AUH: variants seen among roughly 807,000 people sequenced by gnomAD.
The protein encoded by AUH is methylglutaconyl-CoA hydratase, mitochondrial.
Under a neutral mutation model 42.3 loss-of-function variants are expected in AUH, and 29 were observed. The observed-to-expected ratio is 0.69, with a 90% CI of 0.51 to 0.93. AUH has a LOEUF of 0.93. Among genes scored for constraint, AUH ranks in the 40% least tolerant of loss-of-function variants. The probability of loss-of-function intolerance (pLI) is 0.00; values close to 1 mark genes in which losing one functional copy is unlikely to be tolerated. For missense variants in AUH, 452 were observed against 438.1 expected (o/e 1.03, Z -0.28); for synonymous variants, 174 against 166.4 (o/e 1.05, Z -0.35).
intron 6 of AUH, among the ~76,000 whole-genome samples, chr9:91,228,284 G>A (rs1038532265): frequency 5.9e-5 from 9 of 152,252 alleles, no homozygotes; most frequent in African/African-American, 2.2e-4. Flanking sequence ...AGTCTTGGAA[G>A]AGTGTATGTG....
chr9:91,332,679 G>A (rs1271945264), intron 3 of AUH, among the ~76,000 whole-genome samples: 3 of 152,172 alleles, frequency 2.0e-5, no homozygotes, highest in Non-Finnish European at 2.9e-5. Context: ...CACTTCAAGG[G>A]AAAGGCAAAG....
chr9:91,351,453 G>GC (rs1217311358), intron 3 of AUH, among the ~76,000 whole-genome samples: 1 of 152,100 alleles, frequency 6.6e-6, no homozygotes, highest in Non-Finnish European at 1.5e-5. Context: ...TCTAATGAGC[G>GC]CATCGGTATA....
chr9:91,347,212 T>TTTTTTTTG (rs928953764), intron 3 of AUH, among the ~76,000 whole-genome samples: 5 of 150,062 alleles, frequency 3.3e-5, no homozygotes, highest in African/African-American at 7.4e-5. Flanking sequence ...TAAGAGGGTT[T>TTTTTTTTG]TTTGTTTGTT....
intron 7 of AUH, chr9:91,219,040 C>T: frequency 1.0e-6 from 1 of 985,406 alleles, no homozygotes; most frequent in Non-Finnish European, 1.2e-6. Context: ...TGCACAGGGA[C>T]TGTGATGACG....
At chr9:91,319,859 G>C (rs554594873) in intron 4 of AUH, among the ~76,000 whole-genome samples, 36 of 152,292 alleles carry the variant, frequency 2.4e-4, no homozygotes, top group South Asian at 1.4e-3. Context: ...CGGTGCGCCT[G>C]ATCTCTCAAG....
intron 6 of AUH, chr9:91,294,876 A>C: frequency 2.4e-6 from 1 of 420,240 alleles, no homozygotes; most frequent in Non-Finnish European, 4.8e-6. Flanking sequence ...CTGAAGTCTC[A>C]TTATAAAACT....
rs563061353 is a variant in AUH at position 91,308,380 on chromosome 9, T to A, written c.506-10304A>T. Among the ~76,000 whole-genome samples, 3 of 152,168 alleles carry A rather than the reference T, an allele frequency of 2.0e-5. No homozygotes were observed. The East Asian group carries it at 5.8e-4, about 29-fold the overall frequency. ...TGTCTCTAAAAACAAGAAAACTACA[T>A]ACTGAACTATGATTCAAAAGGAGAG... On this transcript the variant is annotated intron_variant, in intron 4 of 9. Coordinates refer to ENST00000375731, the MANE Select transcript of AUH (RefSeq NM_001698.3).
intron 6 of AUH, among the ~76,000 whole-genome samples, chr9:91,278,568 C>T (rs1301128365): frequency 6.6e-6 from 1 of 152,124 alleles, no homozygotes; most frequent in Admixed American, 6.5e-5. Flanking sequence ...AGTAGTTTGG[C>T]GCGATTTCAA....
Position 91,245,219 on chromosome 9 carries a change from G to A in AUH, c.656-24227C>T, listed in dbSNP as rs111684184. On this transcript the variant is annotated intron_variant, in intron 6 of 9. Coordinates refer to ENST00000375731, the MANE Select transcript of AUH (RefSeq NM_001698.3). Reference sequence around the variant, plus strand: ...CCCAGCAGGTGGGAACTGGAACCACGGCCCACCCCAGGAGCCCCGTGGGGA... The same window carrying A: ...CCCAGCAGGTGGGAACTGGAACCACAGCCCACCCCAGGAGCCCCGTGGGGA... 3.1e-3 allele frequency among the ~76,000 whole-genome samples: 465 copies of A among 152,174 alleles called. 5 individuals are homozygous for A. The highest frequency in any genetic ancestry group is 0.01 in the African/African-American group (428 of 41,504).
At chr9:91,303,343 T>C (rs1827954357) in intron 4 of AUH, among the ~76,000 whole-genome samples, 2 of 152,232 alleles carry the variant, frequency 1.3e-5, no homozygotes, top group South Asian at 4.1e-4. Flanking sequence ...TGATTTTTTT[T>C]TTTGAAACGG....
rs1312886327 is a variant in AUH, at chr9:91,359,588, AAG to A, written c.262+2038_262+2039del. 4.6e-4 allele frequency among the ~76,000 whole-genome samples: 67 copies of A among 146,746 alleles called. 1 individual carries two copies. The highest frequency in any genetic ancestry group is 1.6e-3 in the African/African-American group (65 of 40,866). ...TCCATCTCAAAAGAAAAAAAAAGAA[AAG>A]AAAAGGAAATTTGGTTATAGAGCTA... On this transcript the variant is annotated intron_variant, in intron 1 of 9. Transcript: ENST00000375731.
intron 6 of AUH, among the ~76,000 whole-genome samples, chr9:91,252,200 C>A (rs1209511133): frequency 6.6e-6 from 1 of 151,940 alleles, no homozygotes; most frequent in Non-Finnish European, 1.5e-5. Context: ...CTCCTGACCT[C>A]GTGATCTGCC....
At chr9:91,328,529 C>T (rs535891722) in intron 3 of AUH, among the ~76,000 whole-genome samples, 12 of 152,120 alleles carry the variant, frequency 7.9e-5, no homozygotes, top group East Asian at 1.9e-4. Context: ...AGCCGTAGCA[C>T]GAAGCAGCAG....
chr9:91,259,183 T>C (rs1430323631), intron 6 of AUH, among the ~76,000 whole-genome samples: 1 of 152,226 alleles, frequency 6.6e-6, no homozygotes, highest in Non-Finnish European at 1.5e-5. Flanking sequence ...AATTACAAAT[T>C]CAATTTCTTA....
intron 6 of AUH, among the ~76,000 whole-genome samples, chr9:91,290,295 T>C (rs1195107865): frequency 3.9e-5 from 6 of 152,082 alleles, no homozygotes; most frequent in Admixed American, 6.5e-5. Context: ...TGTGTGCCTA[T>C]AGTCCCAGCT....
At chr9:91,248,847 AATG>A (rs1828946252) in intron 6 of AUH, among the ~76,000 whole-genome samples, 1 of 152,210 alleles carries the variant, frequency 6.6e-6, no homozygotes, top group Non-Finnish European at 1.5e-5. Flanking sequence ...TCCAAGAACC[AATG>A]ATGATGTTAA....
At chr9:91,254,322 CAAG>C (rs1357135302) in intron 6 of AUH, among the ~76,000 whole-genome samples, 5 of 152,100 alleles carry the variant, frequency 3.3e-5, no homozygotes, top group African/African-American at 4.8e-5. Context: ...GCACTGGGAA[CAAG>C]AAGGCCTCTC....
At chr9:91,325,871 C>T (rs1332944005) in intron 3 of AUH, among the ~76,000 whole-genome samples, 1 of 152,166 alleles carries the variant, frequency 6.6e-6, no homozygotes, top group Non-Finnish European at 1.5e-5. Context: ...AGCACAAATG[C>T]CAACCCAGTA....
chr9:91,227,697 G>C (rs1827595557), intron 6 of AUH, among the ~76,000 whole-genome samples: 1 of 149,938 alleles, frequency 6.7e-6, no homozygotes, highest in East Asian at 2.0e-4. Flanking sequence ...GTTTGTCATA[G>C]ATAGCTCTTA....
Sources: gnomAD v4.1 joint callset for allele counts (sites outside exome capture counted in the v4.1 genomes callset) on GRCh38, gnomAD v4.1.1 for gene constraint, MANE v1.5 for transcripts, NCBI Gene and HGNC (gene_info 2026-07-23, HGNC 2026-07-21) for gene names.